FARS2: variants seen among roughly 807,000 people sequenced by gnomAD.
The protein encoded by FARS2 is phenylalanyl-tRNA synthetase 2, mitochondrial, also known as phenylalanine--tRNA ligase, mitochondrial.
In FARS2, 40 loss-of-function variants were observed where a neutral mutation model predicts 46.4. The observed-to-expected ratio is 0.86, with a 90% CI of 0.67 to 1.12. FARS2 has a LOEUF of 1.12. FARS2 is among the 50% of genes most tolerant of loss of function. The pLI, the probability that FARS2 is intolerant of heterozygous loss-of-function variation, is 0.00. For missense variants in FARS2, 513 were observed against 567.9 expected, an observed-to-expected ratio of 0.90 and a Z score of 0.98; for synonymous variants, 234 against 214.9, an observed-to-expected ratio of 1.09 and a Z score of -0.78.
chr6:5,602,717 A>G (rs866625360), intron 5 of FARS2, among the ~76,000 whole-genome samples: 1 of 150,160 alleles, frequency 6.7e-6, no homozygotes, highest in Non-Finnish European at 1.5e-5. Context: ...GGAGACATTT[A>G]TATTTCATAT....
At chr6:5,372,336 A>G (rs903331338) in intron 2 of FARS2, among the ~76,000 whole-genome samples, 3 of 152,162 alleles carry the variant, frequency 2.0e-5, no homozygotes, top group African/African-American at 4.8e-5. Context: ...AAACATATAT[A>G]TACACACATA....
intron 1 of FARS2, among the ~76,000 whole-genome samples, chr6:5,263,190 C>T (rs1370578769): frequency 1.3e-5 from 2 of 152,048 alleles, no homozygotes; most frequent in African/African-American, 4.8e-5. Flanking sequence ...ATTGTTTCTA[C>T]CTAATTATCA....
At chr6:5,688,553 A>G (rs1030079831) in intron 6 of FARS2, among the ~76,000 whole-genome samples, 91 of 152,332 alleles carry the variant, frequency 6.0e-4, no homozygotes, top group African/African-American at 2.2e-3. Context: ...GATGAAGCCC[A>G]CTTGATCATG....
intron 2 of FARS2, among the ~76,000 whole-genome samples, chr6:5,395,888 A>T (rs1760871154): frequency 6.6e-6 from 1 of 152,222 alleles, no homozygotes; most frequent in African/African-American, 2.4e-5. Flanking sequence ...AAGCACTGAG[A>T]AGAAAAAAAT....
At chr6:5,644,347 A>G (rs1041930687) in intron 6 of FARS2, among the ~76,000 whole-genome samples, 2 of 151,966 alleles carry the variant, frequency 1.3e-5, no homozygotes, top group African/African-American at 4.8e-5. Context: ...CAAGTAGCTG[A>G]GACTACAGGT....
intron 2 of FARS2, among the ~76,000 whole-genome samples, chr6:5,400,992 C>CT (rs1170731614): frequency 6.6e-6 from 1 of 151,738 alleles, no homozygotes; most frequent in South Asian, 2.1e-4. Flanking sequence ...GCTATGCTTG[C>CT]TTTTTTATTG....
At chr6:5,632,922 G>A (rs919850307) in intron 6 of FARS2, among the ~76,000 whole-genome samples, 7 of 150,478 alleles carry the variant, frequency 4.7e-5, no homozygotes, top group African/African-American at 7.3e-5. Context: ...CTAACCTCTC[G>A]AAAGTGAAGA....
At chr6:5,681,561 C>A (rs1031517081) in intron 6 of FARS2, among the ~76,000 whole-genome samples, 1 of 152,088 alleles carries the variant, frequency 6.6e-6, no homozygotes, top group East Asian at 1.9e-4. Flanking sequence ...ACTTAAAAAA[C>A]GGAAAAAGAA....
At chr6:5,396,300 T>TA (rs1258999080) in intron 2 of FARS2, among the ~76,000 whole-genome samples, 1 of 152,168 alleles carries the variant, frequency 6.6e-6, no homozygotes, top group African/African-American at 2.4e-5. Flanking sequence ...CAAATATTGT[T>TA]AGAGTTGTGT....
At chr6:5,505,454 A>G (rs1309080708) in intron 4 of FARS2, among the ~76,000 whole-genome samples, 1 of 152,228 alleles carries the variant, frequency 6.6e-6, no homozygotes, top group Non-Finnish European at 1.5e-5. Context: ...TTAAGAGAAG[A>G]AAGAGTACTG....
intron 1 of FARS2, among the ~76,000 whole-genome samples, chr6:5,347,223 A>G (rs1042992146): frequency 2.0e-5 from 3 of 152,162 alleles, no homozygotes; most frequent in Non-Finnish European, 4.4e-5. Context: ...CCATTCATTA[A>G]GTTCTGACAA....
chr6:5,605,519 A>G (rs1438634201), intron 5 of FARS2, among the ~76,000 whole-genome samples: 1 of 152,216 alleles, frequency 6.6e-6, no homozygotes, highest in African/African-American at 2.4e-5. Context: ...CAGACCACCA[A>G]GTCAACTCCA....
intron 4 of FARS2, among the ~76,000 whole-genome samples, chr6:5,504,122 G>A (rs1767968233): frequency 6.6e-6 from 1 of 152,056 alleles, no homozygotes; most frequent in South Asian, 2.1e-4. Flanking sequence ...GGGCCCAATG[G>A]TAGGTACACA....
chr6:5,723,167 C>T (rs1569464), intron 6 of FARS2, among the ~76,000 whole-genome samples: 39,966 of 151,908 alleles, frequency 0.26, 6,182 homozygotes, highest in Non-Finnish European at 0.36. Flanking sequence ...TGACAGGCCA[C>T]GAATGGGCCA....
intron 2 of FARS2, among the ~76,000 whole-genome samples, chr6:5,391,983 A>AGAG (rs1333541710): frequency 6.6e-6 from 1 of 152,218 alleles, no homozygotes; most frequent in East Asian, 1.9e-4. Context: ...AAAATGTCAG[A>AGAG]GAAATAGAAG....
At chr6:5,734,799 G>GTAGA (rs200540074) in intron 6 of FARS2, among the ~76,000 whole-genome samples, 4,171 of 152,060 alleles carry the variant, frequency 0.027, 197 homozygotes, top group African/African-American at 0.094. Context: ...TGTTTGATTT[G>GTAGA]TAGATAGATA....
intron 6 of FARS2, among the ~76,000 whole-genome samples, chr6:5,767,245 G>A (rs1274250769): frequency 2.0e-5 from 3 of 151,920 alleles, no homozygotes; most frequent in African/African-American, 4.8e-5. Context: ...TAGTAGAGAC[G>A]GGGTTTCACC....
At chr6:5,653,307 A>T (rs1414728694) in intron 6 of FARS2, among the ~76,000 whole-genome samples, 1 of 152,218 alleles carries the variant, frequency 6.6e-6, no homozygotes, top group Non-Finnish European at 1.5e-5. Flanking sequence ...TTAACAAAAA[A>T]GTACACTGAT....
At chr6:5,333,946 C>T (rs532477673) in intron 1 of FARS2, among the ~76,000 whole-genome samples, 4 of 152,326 alleles carry the variant, frequency 2.6e-5, no homozygotes, top group East Asian at 3.9e-4. Context: ...CTCTGGCATC[C>T]TCTACATGTG....
Sources: gnomAD v4.1 joint callset for allele counts (sites outside exome capture counted in the v4.1 genomes callset) on GRCh38, gnomAD v4.1.1 for gene constraint, MANE v1.5 for transcripts, NCBI Gene and HGNC (gene_info 2026-07-23, HGNC 2026-07-21) for gene names.